Variants in INSL6 observed in about 807,000 individuals in gnomAD.
The protein encoded by INSL6 is insulin like 6, also known as insulin-like peptide INSL6.
A neutral mutation model predicts 9.4 loss-of-function variants in INSL6; 16 were observed. The observed-to-expected ratio is 1.70, with a 90% CI of 1.15 to 2.59. INSL6 has a LOEUF of 2.59. Among genes scored for constraint, INSL6 ranks in the 30% most tolerant of loss-of-function variants. The probability of loss-of-function intolerance (pLI) is 0.00; values close to 1 mark genes in which losing one functional copy is unlikely to be tolerated. For synonymous variants in INSL6, 154 were observed against 96.9 expected (o/e 1.59, Z -3.46); for missense variants, 391 against 257.3 (o/e 1.52, Z -3.56).
chr9:5,005,414 C>T, the INSL6 span, among the ~76,000 whole-genome samples: 1 of 151,822 alleles, frequency 6.6e-6, no homozygotes, highest in Non-Finnish European at 1.5e-5. Flanking sequence ...ATAGGTTGTC[C>T]CTTCACTCTG....
the INSL6 span, among the ~76,000 whole-genome samples, chr9:5,072,182 C>T: frequency 0.33 from 50,775 of 151,938 alleles, 8,930 homozygotes; most frequent in African/African-American, 0.46. Flanking sequence ...AAAATGATTC[C>T]CATGTAAGCA....
the INSL6 span, chr9:5,078,384 A>C: frequency 3.5e-5 from 56 of 1,612,932 alleles, 1 homozygote; most frequent in African/African-American, 6.7e-4. Context: ...GAAGACAGGA[A>C]ATCCTCCTTT....
the INSL6 span, among the ~76,000 whole-genome samples, chr9:5,022,491 C>G: frequency 1.3e-5 from 2 of 152,078 alleles, no homozygotes; most frequent in African/African-American, 4.8e-5. Context: ...CTGTCATGGG[C>G]TATCTCATGA....
At chr9:5,095,113 T>A in the INSL6 span, 1 of 152,136 alleles carries the variant, frequency 6.6e-6, no homozygotes, top group African/African-American at 2.4e-5. Flanking sequence ...AACCTATCCC[T>A]GAGACTCCAA....
At chr9:5,124,937 A>T (rs1484765262) in intron 3 of INSL6, among the ~76,000 whole-genome samples, 3 of 151,570 alleles carry the variant, frequency 2.0e-5, no homozygotes, top group African/African-American at 7.2e-5. Flanking sequence ...AACTAGCTTG[A>T]ATTTTTAAAA....
chr9:5,072,413 C>A, the INSL6 span: 2 of 1,062,530 alleles, frequency 1.9e-6, no homozygotes, highest in South Asian at 2.5e-5. Context: ...AAAAATTCTT[C>A]CTCATTGAAT....
chr9:5,105,365 C>G, the INSL6 span, among the ~76,000 whole-genome samples: 1 of 152,024 alleles, frequency 6.6e-6, no homozygotes, highest in Non-Finnish European at 1.5e-5. Context: ...CGAAGGACCT[C>G]TGGACCTCTT....
the INSL6 span, chr9:5,078,548 T>G: frequency 3.8e-6 from 3 of 793,846 alleles, no homozygotes; most frequent in Non-Finnish European, 4.0e-6. Context: ...ATTTGTATGT[T>G]CCTGATTAAT....
At chr9:5,006,811 C>G in the INSL6 span, among the ~76,000 whole-genome samples, 3 of 152,150 alleles carry the variant, frequency 2.0e-5, no homozygotes, top group Non-Finnish European at 1.5e-5. Context: ...GGTGGGGACA[C>G]AGAACCAAAC....
chr9:5,068,903 G>A, the INSL6 span: 4 of 601,072 alleles, frequency 6.7e-6, no homozygotes, highest in Admixed American at 3.1e-5. Flanking sequence ...GCACTACATC[G>A]GATTCATGGT....
At chr9:5,155,482 A>G (rs1292357642) in intron 2 of INSL6, among the ~76,000 whole-genome samples, 2 of 151,920 alleles carry the variant, frequency 1.3e-5, no homozygotes, top group Non-Finnish European at 2.9e-5. Context: ...TAATTTAAAA[A>G]AAAAACCTGG....
At chr9:5,016,307 T>C in the INSL6 span, among the ~76,000 whole-genome samples, 1 of 152,116 alleles carries the variant, frequency 6.6e-6, no homozygotes, top group Admixed American at 6.5e-5. Context: ...CCTGCTGTTA[T>C]AAGACCTGGT....
At chr9:5,178,190 GA>G (rs1564056254) in intron 1 of INSL6, among the ~76,000 whole-genome samples, 1 of 152,106 alleles carries the variant, frequency 6.6e-6, no homozygotes, top group South Asian at 2.1e-4. Context: ...CTTTAAGTGG[GA>G]CCCCAATCCA....
At chr9:5,081,714 T>C in the INSL6 span, 2 of 1,571,388 alleles carry the variant, frequency 1.3e-6, no homozygotes, top group Non-Finnish European at 1.8e-6. Context: ...TAATATTCTT[T>C]ATTTCTCCAG....
intron 2 of INSL6, among the ~76,000 whole-genome samples, chr9:5,137,047 A>C (rs1019400211): frequency 6.6e-6 from 1 of 152,150 alleles, no homozygotes; most frequent in African/African-American, 2.4e-5. Context: ...ATACCCAGGA[A>C]TCCAACTTAC....
intron 1 of INSL6, among the ~76,000 whole-genome samples, chr9:5,178,655 C>G (rs1188093193): frequency 6.6e-6 from 1 of 152,188 alleles, no homozygotes; most frequent in Non-Finnish European, 1.5e-5. Flanking sequence ...GGTACAAGAA[C>G]AGATACATAG....
intron 3 of INSL6, among the ~76,000 whole-genome samples, chr9:5,132,460 T>A (rs2130880073): frequency 6.6e-6 from 1 of 152,244 alleles, no homozygotes; most frequent in African/African-American, 2.4e-5. Context: ...AATACCTTGG[T>A]TCTAGTAATT....
intron 3 of INSL6, among the ~76,000 whole-genome samples, chr9:5,130,855 C>CG (rs1252030053): frequency 1.4e-4 from 21 of 150,416 alleles, no homozygotes; most frequent in African/African-American, 5.1e-4. Flanking sequence ...CAGCCTCCCG[C>CG]GTAGCTGGGA....
the INSL6 span, chr9:5,055,637 C>T: frequency 4.7e-6 from 7 of 1,482,370 alleles, no homozygotes; most frequent in South Asian, 3.7e-5. Context: ...TAAATTCTAC[C>T]CGTTTTTAAT....
Sources: allele counts gnomAD v4.1 joint callset (sites outside exome capture counted in the v4.1 genomes callset), GRCh38; gene constraint gnomAD v4.1.1; transcripts MANE v1.5; gene names NCBI Gene and HGNC (gene_info 2026-07-23, HGNC 2026-07-21).